CBY2: variants seen among roughly 807,000 people sequenced by gnomAD.
CBY2 encodes the protein chibby family member 2, also known as protein chibby homolog 2.
A neutral mutation model predicts 25.3 loss-of-function variants in CBY2; 23 were observed. That is an observed-to-expected ratio of 0.91 (90% confidence interval 0.65 to 1.29). The LOEUF is 1.29. Ranked by LOEUF, CBY2 falls within the 50% of genes most tolerant of loss-of-function variation. CBY2 has a pLI of 0.00. For missense variants in CBY2, 642 were observed against 590.7 expected (o/e 1.09, Z -0.90); for synonymous variants, 279 against 260.2 (o/e 1.07, Z -0.70).
chr13:45,709,958 C>G (rs1950260386), intron 2 of CBY2, among the ~76,000 whole-genome samples: 1 of 152,148 alleles, frequency 6.6e-6, no homozygotes, highest in Admixed American at 6.5e-5. Flanking sequence ...TTTAACATCT[C>G]TGAGTTTCAG....
At chr13:45,707,805 T>C (rs995757051) in intron 2 of CBY2, among the ~76,000 whole-genome samples, 14 of 152,236 alleles carry the variant, frequency 9.2e-5, no homozygotes, top group Non-Finnish European at 2.1e-4. Flanking sequence ...CTGGTTCCAC[T>C]CCTTTATCAG....
Position 45,713,889 on chromosome 13 carries a change from C to G in CBY2, c.864C>G (p.His288Gln). 1 of 1,532,982 alleles carries G rather than the reference C, an allele frequency of 6.5e-7. No homozygotes were observed. Among genetic ancestry groups the G allele is most frequent in the Non-Finnish European group, 8.7e-7 (1 of 1,144,254 alleles). 95.0% of individuals were successfully genotyped at this position (1,532,982 alleles called of 1,614,324 possible). The change falls in exon 3 of 3, where the codon CAC becomes CAG. Residue 288 changes from histidine to glutamine, a missense_variant. By Grantham distance (24) the His-to-Gln change is conservative. Coordinates refer to ENST00000310521, the MANE Select transcript of CBY2 (RefSeq NM_152719.3). The surrounding 1 kb of genome is among the most constrained non-coding windows in gnomAD (Gnocchi z 5.0). ...AEESKPAPSP[H>Q]EEPCSPGLLQ... ...AAAGCAAGCCCGCCCCCTCACCCCA[C>G]GAGGAGCCCTGCAGCCCCGGGCTGC...
At chr13:45,706,376 G>A (rs1050794254) in intron 2 of CBY2, among the ~76,000 whole-genome samples, 3 of 152,108 alleles carry the variant, frequency 2.0e-5, no homozygotes, top group South Asian at 4.1e-4. Context: ...GGCGATGTTC[G>A]TGCCCATGGC....
At chr13:45,712,786 T>G (rs920986510) in intron 2 of CBY2, among the ~76,000 whole-genome samples, 6 of 152,160 alleles carry the variant, frequency 3.9e-5, no homozygotes, top group Non-Finnish European at 8.8e-5. Context: ...AAAACACATG[T>G]GTTAGAGAAG....
Position 45,702,350 on chromosome 13 carries a change from A to C in CBY2, c.-41A>C. 2 of 1,554,280 alleles carry C rather than the reference A, an allele frequency of 1.3e-6. No homozygotes were observed. Among genetic ancestry groups the C allele is most frequent in the Non-Finnish European group, 8.9e-7 (1 of 1,125,550 alleles). The stretch of plus-strand genomic sequence containing the variant: ...CCTCATTCCCACCTGTGATGCTCAG[A>C]GAGAAACCATGAGCCCTGAAAAACA... On this transcript the variant is annotated 5_prime_UTR_variant, in exon 1 of 3. Coordinates refer to ENST00000310521, the MANE Select transcript of CBY2 (RefSeq NM_152719.3).
Position 45,713,990 on chromosome 13 carries a change from A to G in CBY2, c.965A>G (p.Lys322Arg), listed in dbSNP as rs751056631. The change falls in exon 3 of 3, where the codon AAG becomes AGG. Residue 322 changes from lysine (K) to arginine (R), a missense_variant. Lys to Arg is a conservative substitution (Grantham distance 26). Transcript: ENST00000310521. The surrounding 1 kb of genome is among the most constrained non-coding windows in gnomAD (Gnocchi z 5.0). Reference sequence around the variant, plus strand: ...CCTCCGGCCCGGCAGGAGGACTCCAAGGAGCTGCGCGCCCTGCGGAAGATG... The same window carrying G: ...CCTCCGGCCCGGCAGGAGGACTCCAGGGAGCTGCGCGCCCTGCGGAAGATG... Reference protein sequence around the residue: ...KGPPARQEDSKELRALRKMVS... With the variant: ...KGPPARQEDSRELRALRKMVS... 4.0e-6 allele frequency: 6 copies of G among 1,506,486 alleles called. No homozygotes were observed. The highest frequency in any genetic ancestry group is 1.2e-5 in the South Asian group (1 of 80,418). The allele number at this position is 1,506,486 out of a possible 1,614,324, so 93.3% of individuals were successfully genotyped here. A position where few individuals can be genotyped will look rare whatever the true frequency, so the allele number is the denominator to read the frequency against.
chr13:45,708,139 T>C (rs1364885081), intron 2 of CBY2, among the ~76,000 whole-genome samples: 5 of 152,220 alleles, frequency 3.3e-5, no homozygotes, highest in African/African-American at 1.2e-4. Context: ...TAACAGTGAA[T>C]AGCGCCTTTT....
intron 2 of CBY2, among the ~76,000 whole-genome samples, chr13:45,710,101 T>G (rs555879112): frequency 6.6e-6 from 1 of 152,338 alleles, no homozygotes; most frequent in African/African-American, 2.4e-5. Flanking sequence ...TGTTTCCTTC[T>G]TCCATTTTCT....
Position 45,714,484 on chromosome 13 carries a change from GA to G in CBY2, c.*116del, listed in dbSNP as rs1950302769. 1 of 950,616 alleles carries G rather than the reference GA, an allele frequency of 1.1e-6. No individual in the cohort carries two copies. The highest frequency in any genetic ancestry group is 1.7e-5 in the African/African-American group (1 of 60,216). The allele number at this position is 950,616 out of a possible 1,614,324, so 58.9% of individuals were successfully genotyped here. On this transcript the variant is annotated 3_prime_UTR_variant, in exon 3 of 3. Coordinates refer to ENST00000310521, the MANE Select transcript of CBY2 (RefSeq NM_152719.3). ...CTTCCCCAGCCAGTTCGTACCTATT[GA>G]AAAGCAGCGTTAGCAGCCTTCCTAA...
At chr13:45,708,325 C>A (rs1219393542) in intron 2 of CBY2, among the ~76,000 whole-genome samples, 1 of 152,254 alleles carries the variant, frequency 6.6e-6, no homozygotes, top group East Asian at 1.9e-4. Context: ...ATTCCCCACA[C>A]CTTGCTGCCT....
chr13:45,714,188 C>G lies in CBY2; in HGVS notation c.1163C>G (p.Ala388Gly), dbSNP rs1403450339. Residue 388 changes from alanine to glycine, a missense_variant, in exon 3 of 3, where the codon GCA (alanine) becomes GGA (glycine). Ala to Gly is a moderately conservative substitution (Grantham distance 60, BLOSUM62 0). Coordinates refer to ENST00000310521, the MANE Select transcript of CBY2 (RefSeq NM_152719.3). Reference protein sequence around the residue: ...EENRTLQVLRAEHRGFQEENK... With the variant: ...EENRTLQVLRGEHRGFQEENK... ...AACAGGACCCTGCAGGTGCTACGGG[C>G]AGAGCACAGGGGCTTCCAGGAGGAG... is the stretch of plus-strand genomic sequence containing the variant. The G allele has an allele frequency of 2.5e-6, 4 of 1,611,388 alleles. No homozygotes were observed. The highest frequency in any genetic ancestry group is 1.3e-5 in the African/African-American group (1 of 74,986).
chr13:45,713,791 G>A lies in CBY2; in HGVS notation c.766G>A (p.Ala256Thr). Reference protein sequence around the residue: ...TLQLLREENRALQQLLEQKQA... With the variant: ...TLQLLREENRTLQQLLEQKQA... ...GCAGCTCCTCCGGGAGGAGAATCGC[G>A]CGCTGCAGCAGCTGCTGGAGCAGAA... The change falls in exon 3 of 3, where the codon GCG (alanine) becomes ACG (threonine). Residue 256 changes from alanine (A) to threonine (T), a missense_variant. Transcript: ENST00000310521. The surrounding 1 kb of genome is among the most constrained non-coding windows in gnomAD (Gnocchi z 5.0). 1.3e-6 allele frequency: 2 copies of A among 1,581,576 alleles called. No individual in the cohort carries two copies. The highest frequency in any genetic ancestry group is 1.1e-5 in the South Asian group (1 of 88,372).
chr13:45,713,809 G>T lies in CBY2; in HGVS notation c.784G>T (p.Glu262Ter). Residue 262 changes from glutamate (E) to a stop codon, truncating the protein, a stop_gained, in exon 3 of 3, where the codon GAG (glutamate) becomes TAG (stop). Transcript: ENST00000310521. LOFTEE classifies it high-confidence loss of function. The surrounding 1 kb of genome is among the most constrained non-coding windows in gnomAD (Gnocchi z 5.0). Reference sequence around the variant, plus strand: ...GAATCGCGCGCTGCAGCAGCTGCTGGAGCAGAAACAGGCCTACTGGGCGCA... The same window carrying T: ...GAATCGCGCGCTGCAGCAGCTGCTGTAGCAGAAACAGGCCTACTGGGCGCA... ...EENRALQQLLEQKQAYWAQAE... is the reference protein window; with the variant it reads ...EENRALQQLL 4.5e-6 allele frequency: 7 copies of T among 1,559,262 alleles called. No individual in the cohort carries two copies. The highest frequency in any genetic ancestry group is 4.3e-6 in the Non-Finnish European group (5 of 1,153,752).
chr13:45,705,832 T>C (rs572374556), intron 2 of CBY2, among the ~76,000 whole-genome samples: 2 of 152,240 alleles, frequency 1.3e-5, no homozygotes, highest in Non-Finnish European at 2.9e-5. Flanking sequence ...GATGGCTGAA[T>C]GTTCTCTGAT....
chr13:45,709,213 A>G (rs928160115), intron 2 of CBY2, among the ~76,000 whole-genome samples: 4 of 152,214 alleles, frequency 2.6e-5, no homozygotes, highest in Non-Finnish European at 5.9e-5. Context: ...GTGAATAAAG[A>G]CCAGGGCACA....
chr13:45,708,494 C>T (rs1950251880), intron 2 of CBY2, among the ~76,000 whole-genome samples: 1 of 152,122 alleles, frequency 6.6e-6, no homozygotes, highest in Non-Finnish European at 1.5e-5. Context: ...TTCACTGACA[C>T]TAATGTAGGG....
At chr13:45,705,262 G>T (rs1403502599) in intron 2 of CBY2, among the ~76,000 whole-genome samples, 1 of 152,250 alleles carries the variant, frequency 6.6e-6, no homozygotes, top group Non-Finnish European at 1.5e-5. Context: ...GGTTCCTTTT[G>T]TATGTAATGA....
chr13:45,713,590 C>T lies in CBY2; in HGVS notation c.565C>T (p.Leu189Phe), dbSNP rs1387966842. The change falls in exon 3 of 3, where the codon CTC becomes TTC. Residue 189 changes from leucine (L) to phenylalanine (F), a missense_variant. By Grantham distance (22) the Leu-to-Phe change is conservative (BLOSUM62 0). Transcript: ENST00000310521. The surrounding 1 kb of genome is among the most constrained non-coding windows in gnomAD (Gnocchi z 5.0). ...GGCCCTGCGCGAGGAGAACCGGATGCTCAGCAAGGAGAACAAGATCCTACA... is the reference window on the plus strand; with the variant it reads ...GGCCCTGCGCGAGGAGAACCGGATGTTCAGCAAGGAGAACAAGATCCTACA... ...NKALREENRMLSKENKILQVF... is the reference protein window; with the variant it reads ...NKALREENRMFSKENKILQVF... 3.7e-6 allele frequency: 6 copies of T among 1,613,922 alleles called. No homozygotes were observed. In the East Asian group the frequency reaches 1.1e-4, roughly 30 times the overall value.
intron 2 of CBY2, among the ~76,000 whole-genome samples, chr13:45,709,448 G>T (rs1950257114): frequency 6.6e-6 from 1 of 152,140 alleles, no homozygotes; most frequent in Non-Finnish European, 1.5e-5. Flanking sequence ...CAAGAAGATT[G>T]TCTCTCTGGC....
Sources: allele counts gnomAD v4.1 joint callset (sites outside exome capture counted in the v4.1 genomes callset), GRCh38; gene constraint gnomAD v4.1.1; non-coding constraint Gnocchi (gnomAD v3.1); transcripts MANE v1.5; gene names NCBI Gene and HGNC (gene_info 2026-07-23, HGNC 2026-07-21).